PPFIA2: variants seen among roughly 807,000 people sequenced by gnomAD.
The protein encoded by PPFIA2 is PPFI scaffold protein A2, also known as liprin-alpha-2.
A neutral mutation model predicts 175.5 loss-of-function variants in PPFIA2; 46 were observed. That is an observed-to-expected ratio of 0.26 (90% CI 0.21 to 0.34). The LOEUF is 0.34. Ranked by LOEUF, PPFIA2 falls within the 10% of genes least tolerant of loss-of-function variation. The pLI is 1.00. For missense variants in PPFIA2, 1,179 were observed against 1,506.1 expected, an observed-to-expected ratio of 0.78 and a Z score of 3.60; for synonymous variants, 568 against 511.4, an observed-to-expected ratio of 1.11 and a Z score of -1.49.
At chr12:81,282,553 A>G (rs2042307868) in intron 26 of PPFIA2, 1 of 152,466 alleles carries the variant, frequency 6.6e-6, no homozygotes. Context: ...CAAACATCTC[A>G]ATAAATGCTA....
intron 4 of PPFIA2, among the ~76,000 whole-genome samples, chr12:81,605,254 C>A (rs2060173154): frequency 6.6e-6 from 1 of 151,734 alleles, no homozygotes; most frequent in Admixed American, 6.6e-5. Context: ...GATTTAAATA[C>A]ACTGAAAAGG....
intron 4 of PPFIA2, among the ~76,000 whole-genome samples, chr12:81,662,773 C>A (rs1256824186): frequency 6.6e-6 from 1 of 152,188 alleles, no homozygotes; most frequent in Non-Finnish European, 1.5e-5. Context: ...CAACCAATAT[C>A]CCTGATGAAT....
At chr12:81,730,508 C>G (rs1229199170) in intron 3 of PPFIA2, among the ~76,000 whole-genome samples, 2 of 151,548 alleles carry the variant, frequency 1.3e-5, no homozygotes, top group African/African-American at 4.8e-5. Flanking sequence ...CATGAGAACT[C>G]TCTCATTATG....
At chr12:81,696,854 C>CTATATGA (rs2075954581) in intron 3 of PPFIA2, among the ~76,000 whole-genome samples, 1 of 151,718 alleles carries the variant, frequency 6.6e-6, no homozygotes, top group Admixed American at 6.6e-5. Context: ...TATATGATCC[C>CTATATGA]CCGCTACTAG....
chr12:81,288,734 A>G (rs937167808), intron 24 of PPFIA2, among the ~76,000 whole-genome samples: 2 of 151,740 alleles, frequency 1.3e-5, no homozygotes, highest in African/African-American at 4.8e-5. Context: ...TACTTTTCAC[A>G]TTCAAATGGC....
intron 7 of PPFIA2, among the ~76,000 whole-genome samples, chr12:81,435,754 A>G (rs1409351039): frequency 6.6e-6 from 1 of 152,030 alleles, no homozygotes; most frequent in African/African-American, 2.4e-5. Context: ...CACAATCTAA[A>G]TCTCTTCTCT....
At chr12:81,682,474 C>A (rs1037106772) in intron 3 of PPFIA2, among the ~76,000 whole-genome samples, 1 of 151,838 alleles carries the variant, frequency 6.6e-6, no homozygotes, top group Non-Finnish European at 1.5e-5. Context: ...TTTTTAGATT[C>A]TTTGGGAAAA....
At chr12:81,497,530 CTTTTTTTT>C (rs34030284) in intron 4 of PPFIA2, among the ~76,000 whole-genome samples, 2 of 66,184 alleles carry the variant, frequency 3.0e-5, no homozygotes, top group African/African-American at 5.5e-5. Context: ...TCATTGATGT[CTTTTTTTT>C]TTTTTTTTTT....
At chr12:81,445,837 T>A in intron 5 of PPFIA2, 117 bp from the exon 6 acceptor site, 1 of 922,748 alleles carries the variant, frequency 1.1e-6, no homozygotes, top group Non-Finnish European at 1.6e-6. Flanking sequence ...AGCTGCAGGT[T>A]ACACTGCAAG....
chr12:81,566,560 A>G (rs917327584), intron 4 of PPFIA2, among the ~76,000 whole-genome samples: 2 of 151,420 alleles, frequency 1.3e-5, no homozygotes, highest in African/African-American at 4.8e-5. Flanking sequence ...AAAGAAAAGA[A>G]AAGAAAAAAA....
chr12:81,519,473 G>T (rs1417184844), intron 4 of PPFIA2, among the ~76,000 whole-genome samples: 1 of 152,142 alleles, frequency 6.6e-6, no homozygotes, highest in Non-Finnish European at 1.5e-5. Context: ...TATTTAAACT[G>T]ATTATCTAAT....
chr12:81,299,027 C>T (rs1238419454), intron 23 of PPFIA2, among the ~76,000 whole-genome samples: 1 of 152,138 alleles, frequency 6.6e-6, no homozygotes, highest in East Asian at 1.9e-4. Context: ...TCTCTTGCAA[C>T]AATAAAATTT....
rs149802159 is a variant in PPFIA2, at chr12:81,649,267, T to A, written c.303+27524A>T. On this transcript the variant is annotated intron_variant, in intron 4 of 32. Transcript: ENST00000549396. The stretch of plus-strand genomic sequence containing the variant: ...CTCTGAAACCTCCATAACAAGAAGA[T>A]TAAAAAGTAACTTTAATGGGCATAT... Among the ~76,000 whole-genome samples the A allele has an allele frequency of 3.7e-4, 57 of 152,206 alleles. 1 individual carries two copies. The East Asian group carries it at 0.011, about 29-fold the overall frequency.
chr12:81,467,856 T>C (rs773764347), intron 4 of PPFIA2, among the ~76,000 whole-genome samples: 3 of 152,174 alleles, frequency 2.0e-5, no homozygotes, highest in Non-Finnish European at 2.9e-5. Context: ...CTGAAGTCTT[T>C]CACAGATTCC....
intron 4 of PPFIA2, among the ~76,000 whole-genome samples, chr12:81,556,747 G>A (rs1486098766): frequency 2.6e-5 from 4 of 151,612 alleles, no homozygotes; most frequent in Non-Finnish European, 4.4e-5. Flanking sequence ...ATTTAAGAGA[G>A]AAATTCCACA....
At chr12:81,611,122 C>A (rs183189818) in intron 4 of PPFIA2, among the ~76,000 whole-genome samples, 3 of 152,096 alleles carry the variant, frequency 2.0e-5, no homozygotes, top group Non-Finnish European at 4.4e-5. Flanking sequence ...AAAGATGGCT[C>A]GCTCACCATG....
chr12:81,503,723 CTA>C (rs1187449623), intron 4 of PPFIA2, among the ~76,000 whole-genome samples: 1 of 151,846 alleles, frequency 6.6e-6, no homozygotes, highest in Non-Finnish European at 1.5e-5. Flanking sequence ...TTATTTTTCT[CTA>C]GTTATAAATT....
intron 13 of PPFIA2, chr12:81,368,262 C>A: frequency 1.2e-6 from 1 of 827,804 alleles, no homozygotes; most frequent in Admixed American, 2.4e-5. Flanking sequence ...GGTTCCTAAA[C>A]CCTCTACTGG....
At chr12:81,274,853 A>G (rs1337545639) in intron 28 of PPFIA2, among the ~76,000 whole-genome samples, 1 of 152,174 alleles carries the variant, frequency 6.6e-6, no homozygotes, top group Non-Finnish European at 1.5e-5. Flanking sequence ...TATTTATCAG[A>G]TAGAGTTGTG....
Sources: allele counts gnomAD v4.1 joint callset (sites outside exome capture counted in the v4.1 genomes callset), GRCh38; gene constraint gnomAD v4.1.1; transcripts MANE v1.5; gene names NCBI Gene and HGNC (gene_info 2026-07-23, HGNC 2026-07-21).